CACNA1A: variants seen among roughly 807,000 people sequenced by gnomAD.
CACNA1A encodes voltage-dependent P/Q-type calcium channel subunit alpha-1A.
In CACNA1A, 57 loss-of-function variants were observed where a neutral mutation model predicts 262.4. That is an observed-to-expected ratio of 0.22 (90% CI 0.18 to 0.27). The LOEUF (loss-of-function observed/expected upper bound fraction) is 0.27, where lower values mean the gene tolerates loss of function less well. Among genes scored for constraint, CACNA1A ranks in the 10% least tolerant of loss-of-function variants. The pLI, the probability that CACNA1A is intolerant of heterozygous loss-of-function variation, is 1.00. For synonymous variants in CACNA1A, 1,431 were observed against 1,419.3 expected (o/e 1.01, Z -0.18); for missense variants, 2,526 against 3,562.8 (o/e 0.71, Z 7.41).
At chr19:13,413,687 C>T (rs113797965) in intron 3 of CACNA1A, among the ~76,000 whole-genome samples, 14,418 of 145,566 alleles carry the variant, frequency 0.099, 996 homozygotes, top group East Asian at 0.24. Flanking sequence ...AAGACCAGCC[C>T]GGCCAACATA....
chr19:13,334,523 G>T, intron 7 of CACNA1A, 30 bp from the exon 8 acceptor site: 1 of 1,192,866 alleles, frequency 8.4e-7, no homozygotes. Context: ...CCAGAGTATG[G>T]CTGTTTTGAA....
At chr19:13,360,551 C>A (rs1009785021) in intron 5 of CACNA1A, among the ~76,000 whole-genome samples, 1 of 149,204 alleles carries the variant, frequency 6.7e-6, no homozygotes, top group African/African-American at 2.5e-5. Flanking sequence ...GATCTCACCT[C>A]ACTACAATCT....
chr19:13,392,144 G>A (rs2059721528), intron 3 of CACNA1A, among the ~76,000 whole-genome samples: 2 of 151,998 alleles, frequency 1.3e-5, no homozygotes, highest in Non-Finnish European at 2.9e-5. Context: ...TCAGGAGGTT[G>A]AGGCTACAGT....
intron 6 of CACNA1A, among the ~76,000 whole-genome samples, chr19:13,348,633 C>A (rs375360631): frequency 2.0e-5 from 3 of 152,150 alleles, no homozygotes; most frequent in African/African-American, 7.2e-5. Flanking sequence ...CTCAGGAGAT[C>A]GAGACCATCC....
intron 3 of CACNA1A, among the ~76,000 whole-genome samples, chr19:13,422,740 A>G (rs551432845): frequency 6.6e-6 from 1 of 152,184 alleles, no homozygotes; most frequent in Non-Finnish European, 1.5e-5. Flanking sequence ...CTCCATGTCA[A>G]TGTAACTGAG....
intron 3 of CACNA1A, among the ~76,000 whole-genome samples, chr19:13,398,267 G>GAA (rs377538163): frequency 8.0e-6 from 1 of 125,676 alleles, no homozygotes. Context: ...CGTCGCAAAA[G>GAA]AAAAAAAAAA....
At chr19:13,222,684 C>A (rs931451409) in intron 38 of CACNA1A, among the ~76,000 whole-genome samples, 1 of 149,168 alleles carries the variant, frequency 6.7e-6, no homozygotes, top group Admixed American at 6.7e-5. Flanking sequence ...CGTGAGCCAG[C>A]GTGCCCGGCC....
chr19:13,239,163 C>T (rs2055984540), intron 31 of CACNA1A, among the ~76,000 whole-genome samples: 1 of 152,114 alleles, frequency 6.6e-6, no homozygotes, highest in Non-Finnish European at 1.5e-5. Context: ...GGAGAAAGCC[C>T]ATATTCCACA....
At chr19:13,405,293 A>G (rs528497717) in intron 3 of CACNA1A, among the ~76,000 whole-genome samples, 22 of 152,192 alleles carry the variant, frequency 1.4e-4, no homozygotes, top group African/African-American at 3.4e-4. Flanking sequence ...CCTGGGCTCA[A>G]GCAATCCTCC....
chr19:13,376,578 TATAAC>T (rs1179488845), intron 3 of CACNA1A, among the ~76,000 whole-genome samples: 1 of 148,790 alleles, frequency 6.7e-6, no homozygotes, highest in Admixed American at 6.8e-5. Flanking sequence ...ATATGTTATA[TATAAC>T]ATATGAGATA....
chr19:13,377,685 T>G (rs1456001433), intron 3 of CACNA1A, among the ~76,000 whole-genome samples: 2 of 151,810 alleles, frequency 1.3e-5, no homozygotes, highest in East Asian at 3.9e-4. Flanking sequence ...CTGTAGCCCA[T>G]GGATCAAGAA....
chr19:13,282,047 A>G (rs1600236033), intron 22 of CACNA1A, among the ~76,000 whole-genome samples: 1 of 152,192 alleles, frequency 6.6e-6, no homozygotes, highest in Non-Finnish European at 1.5e-5. Flanking sequence ...CCTGGGGGAA[A>G]CCAGGCTGCG....
Position 13,207,488 on chromosome 19 carries a change from C to T in CACNA1A, c.7346G>A (p.Gly2449Glu). Residue 2449 changes from glycine to glutamate, a missense_variant, in exon 47 of 47, where the codon GGG (glycine) becomes GAG (glutamate). Physicochemically the swap from Gly to Glu is moderately conservative, Grantham distance 98 (BLOSUM62 -2). Coordinates refer to ENST00000360228, the MANE Select transcript of CACNA1A (RefSeq NM_001127222.2). This position sits in a 1 kb window ranked among gnomAD's most constrained non-coding sequence, Gnocchi z 5.7. ...GGCCCGGGGAGTCCTGGGCGAGCGC[C>T]CGGTGGCGCCCGAGGACGCGTGTCG... ...PVRHASSGAT[G>E]RSPRTPRASG... 1 of 1,425,580 alleles carries T rather than the reference C, an allele frequency of 7.0e-7. No homozygotes were observed. The highest frequency in any genetic ancestry group is 1.4e-5 in the South Asian group (1 of 72,090). The allele number at this position is 1,425,580 out of a possible 1,614,324, so 88.3% of individuals were successfully genotyped here. A position where few individuals can be genotyped will look rare whatever the true frequency, so the allele number is the denominator to read the frequency against.
At chr19:13,307,981 ACCCAGGG>A in intron 14 of CACNA1A, 127 bp from the exon 15 acceptor site, 2 of 1,388,144 alleles carry the variant, frequency 1.4e-6, no homozygotes, top group Non-Finnish European at 2.0e-6. Flanking sequence ...CCTGAGTGGT[ACCCAGGG>A]CCCTGCCCAT....
chr19:13,225,197 G>A, intron 37 of CACNA1A: 1 of 171,278 alleles, frequency 5.8e-6, no homozygotes, highest in Non-Finnish European at 1.3e-5. Flanking sequence ...CTGGTGGGGG[G>A]TGCCACTGGC....
At chr19:13,287,820 T>C (rs1042679406) in intron 19 of CACNA1A, among the ~76,000 whole-genome samples, 3 of 150,664 alleles carry the variant, frequency 2.0e-5, no homozygotes, top group African/African-American at 7.4e-5. Flanking sequence ...TTTTTTTTTT[T>C]CAGACAGGGT....
rs1202039101 is a variant in CACNA1A at position 13,214,157 on chromosome 19, A to G, written c.5940+76T>C. 40 of 1,226,412 alleles carry G rather than the reference A, an allele frequency of 3.3e-5. 1 individual carries two copies. The highest frequency in any genetic ancestry group is 4.4e-5 in the Non-Finnish European group (38 of 862,600). The allele number at this position is 1,226,412 out of a possible 1,614,324, so 76.0% of individuals were successfully genotyped here. A position where few individuals can be genotyped will look rare whatever the true frequency, so the allele number is the denominator to read the frequency against. ...TGCCCTGGGGCTCAGCCACCCTCAT[A>G]TTCCAGTTGGTTCCCGTGGTGACAT... On this transcript the variant is annotated intron_variant, in intron 40 of 46. Transcript: ENST00000360228. The surrounding 1 kb of genome is among the most constrained non-coding windows in gnomAD (Gnocchi z 4.1).
At chr19:13,430,549 G>A (rs1193656213) in intron 3 of CACNA1A, among the ~76,000 whole-genome samples, 1 of 152,174 alleles carries the variant, frequency 6.6e-6, no homozygotes, top group Non-Finnish European at 1.5e-5. Context: ...GACAGGGGGT[G>A]AGGATGTTAC....
intron 3 of CACNA1A, among the ~76,000 whole-genome samples, chr19:13,418,485 G>C (rs2060263305): frequency 6.6e-6 from 1 of 152,182 alleles, no homozygotes; most frequent in African/African-American, 2.4e-5. Context: ...GTACGATTTA[G>C]TTAAGAATAT....
Sources: allele counts gnomAD v4.1 joint callset (sites outside exome capture counted in the v4.1 genomes callset), GRCh38; gene constraint gnomAD v4.1.1; non-coding constraint Gnocchi (gnomAD v3.1); transcripts MANE v1.5; gene names NCBI Gene and HGNC (gene_info 2026-07-23, HGNC 2026-07-21).